DDX50: variants seen among roughly 807,000 people sequenced by gnomAD.
The protein encoded by DDX50 is ATP-dependent RNA helicase DDX50.
A neutral mutation model predicts 94.8 loss-of-function variants in DDX50; 56 were observed. The ratio of observed to expected loss-of-function variants is 0.59; its 90% CI spans 0.48 to 0.74. DDX50 has a LOEUF of 0.74. DDX50 is among the 30% of genes least tolerant of loss of function. The pLI is 0.00. For missense variants in DDX50, 713 were observed against 881.2 expected (o/e 0.81, Z 2.42); for synonymous variants, 264 against 295.4 (o/e 0.89, Z 1.09).
intron 8 of DDX50, among the ~76,000 whole-genome samples, chr10:68,930,862 A>G (rs1842246079): frequency 6.6e-6 from 1 of 152,094 alleles, no homozygotes; most frequent in Non-Finnish European, 1.5e-5. Flanking sequence ...TACATAGCCC[A>G]GGCTGGTATT....
At chr10:68,925,182 C>T (rs1842052324) in intron 8 of DDX50, among the ~76,000 whole-genome samples, 2 of 148,688 alleles carry the variant, frequency 1.3e-5, no homozygotes, top group African/African-American at 2.5e-5. Context: ...TGGCTCACCA[C>T]AACCTCTGCC....
At chr10:68,906,358 A>C in intron 1 of DDX50, 1 of 225,850 alleles carries the variant, frequency 4.4e-6, no homozygotes, top group Non-Finnish European at 8.7e-6. Context: ...AATAAGTATT[A>C]ATTTTTTTTT....
chr10:68,927,142 C>T (rs1004942137), intron 8 of DDX50, among the ~76,000 whole-genome samples: 7 of 152,006 alleles, frequency 4.6e-5, no homozygotes, highest in Admixed American at 3.3e-4. Context: ...GAACTCTTAG[C>T]CTCAAGCAGT....
chr10:68,946,489 C>T lies in DDX50; in HGVS notation c.2073C>T (p.Gly691=), dbSNP rs201187585. 2 of 1,614,098 alleles carry T rather than the reference C, an allele frequency of 1.2e-6. No individual in the cohort carries two copies. The highest frequency in any genetic ancestry group is 1.7e-5 in the Admixed American group (1 of 60,024). The change falls in exon 15 of 15, where the codon GGC becomes GGT. Residue 691 remains glycine, a synonymous_variant. Coordinates refer to ENST00000373585, the MANE Select transcript of DDX50 (RefSeq NM_024045.2). ...GWSSGRSGRS[G]RSGGRSGGRS... Reference sequence around the variant, plus strand: ...CAAGTGGTCGATCAGGCCGGTCAGGCCGGTCAGGTGGTCGATCTGGCGGCC... The same window carrying T: ...CAAGTGGTCGATCAGGCCGGTCAGGTCGGTCAGGTGGTCGATCTGGCGGCC...
At chr10:68,938,253 AAAGT>A (rs1285800433) in intron 12 of DDX50, among the ~76,000 whole-genome samples, 15 of 152,222 alleles carry the variant, frequency 9.9e-5, no homozygotes, top group African/African-American at 2.7e-4. Flanking sequence ...AGTAGCATGC[AAAGT>A]AAGTAAGAAA....
chr10:68,930,082 C>CCCTTCCTT (rs747562577), intron 8 of DDX50, among the ~76,000 whole-genome samples: 1 of 140,924 alleles, frequency 7.1e-6, no homozygotes, highest in Non-Finnish European at 1.5e-5. Flanking sequence ...CCTTTCCTTT[C>CCCTTCCTT]CCTTCCTTCC....
In DDX50 at chr10:68,946,623, T is replaced by G. The variant is rs1842681284; in HGVS notation, c.2207T>G (p.Phe736Cys). 3 of 1,613,152 alleles carry G rather than the reference T, an allele frequency of 1.9e-6. No homozygotes were observed. The highest frequency in any genetic ancestry group is 1.7e-6 in the Non-Finnish European group (2 of 1,179,584). The change falls in exon 15 of 15, where the codon TTT becomes TGT. Residue 736 changes from phenylalanine to cysteine, a missense_variant. Phe to Cys is a radical substitution (Grantham distance 205). This residue lies in a region of DDX50 where 428 missense variants were observed against 602.3 expected (regional missense o/e 0.71). Transcript: ENST00000373585. ...AGAAGTGGGGGCCACAAACGGAGTT[T>G]TGACTGAGTATTTGATAGTTAATCT... ...RSRSGGHKRS[F>C]D
At chr10:68,912,908 G>A (rs1402742135) in intron 4 of DDX50, among the ~76,000 whole-genome samples, 1 of 152,164 alleles carries the variant, frequency 6.6e-6, no homozygotes, top group African/African-American at 2.4e-5. Context: ...AAGTGCTGAG[G>A]AGAAATGATA....
In DDX50 at chr10:68,910,545, G is replaced by C. The variant is rs560042723; in HGVS notation, c.460+163G>C. 5.9e-5 allele frequency among the ~76,000 whole-genome samples: 9 copies of C among 152,260 alleles called. 1 individual carries two copies. The South Asian group carries it at 1.9e-3, about 32-fold the overall frequency. On this transcript the variant is annotated intron_variant, in intron 3 of 14. Coordinates refer to ENST00000373585, the MANE Select transcript of DDX50 (RefSeq NM_024045.2). Reference sequence around the variant, plus strand: ...AGCCTGCTGAGTAGTTGGGATTATAGGCGTGTGCCACCATGCCCGGCTAAG... The same window carrying C: ...AGCCTGCTGAGTAGTTGGGATTATACGCGTGTGCCACCATGCCCGGCTAAG...
chr10:68,917,834 C>A (rs1020345864), intron 7 of DDX50, among the ~76,000 whole-genome samples: 3 of 152,108 alleles, frequency 2.0e-5, no homozygotes, highest in African/African-American at 4.8e-5. Context: ...AAGTCCTCAC[C>A]TCACGTGATC....
chr10:68,943,124 C>A, intron 13 of DDX50, 89 bp from the exon 14 acceptor site: 1 of 1,117,870 alleles, frequency 8.9e-7, no homozygotes, highest in Non-Finnish European at 1.3e-6. Flanking sequence ...ATACATTAAG[C>A]AGCCACTGAG....
chr10:68,922,977 A>G (rs1056183340), intron 8 of DDX50, among the ~76,000 whole-genome samples: 8 of 150,518 alleles, frequency 5.3e-5, no homozygotes, highest in Admixed American at 5.3e-4. Context: ...TTTTTAGCAG[A>G]GACGGGTTTC....
intron 4 of DDX50, 92 bp from the exon 5 acceptor site, chr10:68,913,069 TG>T: frequency 1.1e-6 from 1 of 944,122 alleles, no homozygotes; most frequent in Non-Finnish European, 1.6e-6. Context: ...TTGAGATTCC[TG>T]GTTTTAAATG....
Position 68,924,638 on chromosome 10 carries a change from G to A in DDX50, c.1239+4657G>A, listed in dbSNP as rs185934925. 4.3e-4 allele frequency among the ~76,000 whole-genome samples: 64 copies of A among 150,042 alleles called. 1 individual carries two copies. The East Asian group carries it at 0.012, about 27-fold the overall frequency. On this transcript the variant is annotated intron_variant, in intron 8 of 14. Transcript: ENST00000373585. Reference sequence around the variant, plus strand: ...ATTTTTGTTAGTGCTTAAAAATATAGTCTGTAAATTATATCTGAGTAAAGC... The same window carrying A: ...ATTTTTGTTAGTGCTTAAAAATATAATCTGTAAATTATATCTGAGTAAAGC...
chr10:68,927,669 T>C (rs1295708753), intron 8 of DDX50, among the ~76,000 whole-genome samples: 1 of 152,200 alleles, frequency 6.6e-6, no homozygotes, highest in Non-Finnish European at 1.5e-5. Flanking sequence ...AATATATATT[T>C]GCCAAGCATG....
rs776032412 is a variant in DDX50, at chr10:68,913,146, T to C, written c.640-16T>C. ...TTTAGAAAAGTATCTTTTTGTTTTTTAAACCTCTTGCTCAGGTACTTGTTT... is the reference window on the plus strand; with the variant it reads ...TTTAGAAAAGTATCTTTTTGTTTTTCAAACCTCTTGCTCAGGTACTTGTTT... On this transcript the variant is annotated splice_polypyrimidine_tract_variant and intron_variant, in intron 4 of 14. Coordinates refer to ENST00000373585, the MANE Select transcript of DDX50 (RefSeq NM_024045.2). 7.6e-6 allele frequency: 12 copies of C among 1,576,188 alleles called. No individual in the cohort carries two copies. In the African/African-American group the frequency reaches 1.5e-4, roughly 20 times the overall value.
chr10:68,919,798 G>A (rs146773324), intron 7 of DDX50, 34 bp from the exon 8 acceptor site: 16,667 of 1,598,288 alleles, frequency 0.01, 155 homozygotes, highest in Middle Eastern at 0.019. Flanking sequence ...TAATTTTAAT[G>A]AAACAAATAA....
intron 1 of DDX50, among the ~76,000 whole-genome samples, chr10:68,902,754 C>T (rs1374114962): frequency 3.3e-5 from 5 of 152,190 alleles, no homozygotes; most frequent in Admixed American, 3.3e-4. Context: ...AAATTCTTGT[C>T]TTTTGCATCC....
intron 4 of DDX50, among the ~76,000 whole-genome samples, chr10:68,912,636 C>A (rs553575753): frequency 6.6e-6 from 1 of 152,192 alleles, no homozygotes; most frequent in African/African-American, 2.4e-5. Context: ...CTCTCATTTA[C>A]GAAAATGGTG....
Sources: allele counts gnomAD v4.1 joint callset (sites outside exome capture counted in the v4.1 genomes callset), GRCh38; gene constraint gnomAD v4.1.1; regional missense constraint gnomAD v4.1.1; transcripts MANE v1.5; gene names NCBI Gene and HGNC (gene_info 2026-07-23, HGNC 2026-07-21).